HMGCLL1: variants seen among roughly 807,000 people sequenced by gnomAD.
The protein encoded by HMGCLL1 is 3-hydroxymethyl-3-methylglutaryl-CoA lyase, cytoplasmic.
HMGCLL1 carries 36 observed loss-of-function variants against 39.1 expected under a neutral mutation model. The observed-to-expected ratio is 0.92, with a 90% CI of 0.71 to 1.22. HMGCLL1 has a LOEUF of 1.22. Among genes scored for constraint, HMGCLL1 ranks in the 50% most tolerant of loss-of-function variants. The pLI is 0.00. For missense variants in HMGCLL1, 451 were observed against 416.5 expected (o/e 1.08, Z -0.72); for synonymous variants, 149 against 144.0 (o/e 1.03, Z -0.25).
upstream of HMGCLL1, among the ~76,000 whole-genome samples, chr6:55,583,892 C>A (rs181043379): frequency 5.3e-5 from 8 of 152,212 alleles, no homozygotes; most frequent in Non-Finnish European, 1.0e-4. Context: ...TGCATGATGA[C>A]ACTTGCTTTC....
rs193220742 is a variant in HMGCLL1, at chr6:55,577,546, A to G, written c.108+1402T>C. ...AGTCATTTTCATTTAACCTGCTTCC[A>G]TATCTTAGCAGGGCAAATAAGACAT... On this transcript the variant is annotated intron_variant, in intron 1 of 8. Transcript: ENST00000274901. Among the ~76,000 whole-genome samples, 1,211 of 152,270 alleles carry G rather than the reference A, an allele frequency of 8.0e-3. 15 individuals are homozygous for G. Among genetic ancestry groups the G allele is most frequent in the Non-Finnish European group, 7.4e-3 (504 of 68,016 alleles).
chr6:55,487,345 G>A (rs905491126), intron 7 of HMGCLL1, among the ~76,000 whole-genome samples: 1 of 152,022 alleles, frequency 6.6e-6, no homozygotes, highest in South Asian at 2.1e-4. Context: ...TGTGCAGAAT[G>A]TGCAGTTTTG....
the HMGCLL1 span, among the ~76,000 whole-genome samples, chr6:55,600,256 T>C: frequency 0.01 from 1,550 of 152,274 alleles, 6 homozygotes; most frequent in Non-Finnish European, 0.016. Flanking sequence ...AAAATAATTA[T>C]GCAAATTAAA....
At chr6:55,533,021 C>G (rs1768779138) in intron 3 of HMGCLL1, among the ~76,000 whole-genome samples, 1 of 151,212 alleles carries the variant, frequency 6.6e-6, no homozygotes, top group African/African-American at 2.4e-5. Context: ...TAAAGTATTG[C>G]ATTTCAACTT....
chr6:55,612,571 C>T, the HMGCLL1 span, among the ~76,000 whole-genome samples: 1 of 152,116 alleles, frequency 6.6e-6, no homozygotes, highest in African/African-American at 2.4e-5. Context: ...CTACAGTAAC[C>T]AAAACAGCAT....
At chr6:55,538,688 A>AT (rs1011785009) in intron 3 of HMGCLL1, among the ~76,000 whole-genome samples, 16 of 152,038 alleles carry the variant, frequency 1.1e-4, no homozygotes, top group Admixed American at 3.9e-4. Flanking sequence ...TGATTGATTT[A>AT]TTTTTTTTAT....
intron 7 of HMGCLL1, among the ~76,000 whole-genome samples, chr6:55,457,669 C>G (rs1033147165): frequency 1.3e-5 from 2 of 152,080 alleles, no homozygotes; most frequent in Non-Finnish European, 2.9e-5. Context: ...TTCGTTCTCT[C>G]TCTTCATCTC....
chr6:55,541,676 T>A (rs1769442466), intron 3 of HMGCLL1, 53 bp downstream of exon 3: 4 of 865,718 alleles, frequency 4.6e-6, no homozygotes, highest in East Asian at 2.5e-5. Flanking sequence ...TTACCAAATA[T>A]TTTTTGGTGA....
chr6:55,627,921 A>AT, the HMGCLL1 span, among the ~76,000 whole-genome samples: 27 of 2,118 alleles, frequency 0.013, 5 homozygotes, highest in African/African-American at 0.031. Context: ...ATATATATAT[A>AT]ATATATATAC....
At chr6:55,618,372 T>C in the HMGCLL1 span, among the ~76,000 whole-genome samples, 91 of 151,578 alleles carry the variant, frequency 6.0e-4, no homozygotes, top group East Asian at 0.016. Flanking sequence ...AATGGTGGCC[T>C]ATAGAGCAAA....
At chr6:55,643,694 G>A in the HMGCLL1 span, among the ~76,000 whole-genome samples, 1 of 151,818 alleles carries the variant, frequency 6.6e-6, no homozygotes, top group African/African-American at 2.4e-5. Flanking sequence ...CCCCAAATAA[G>A]TGAGAACATG....
At chr6:55,499,106 T>C in intron 6 of HMGCLL1, 130 bp downstream of exon 6, 1 of 595,598 alleles carries the variant, frequency 1.7e-6, no homozygotes, top group Non-Finnish European at 2.9e-6. Context: ...TGATCAAATA[T>C]GTCTTCAGGG....
chr6:55,558,066 G>A (rs1734598112), intron 1 of HMGCLL1, among the ~76,000 whole-genome samples: 1 of 152,132 alleles, frequency 6.6e-6, no homozygotes. Context: ...ATTAGGAAAG[G>A]TCCGCAAAAT....
chr6:55,452,312 C>T (rs1327451054), intron 7 of HMGCLL1, among the ~76,000 whole-genome samples: 4 of 152,088 alleles, frequency 2.6e-5, no homozygotes, highest in Admixed American at 2.6e-4. Flanking sequence ...GTCTTCTCAC[C>T]CAGACTTAGA....
intron 8 of HMGCLL1, among the ~76,000 whole-genome samples, chr6:55,437,445 CA>C (rs1473060384): frequency 6.6e-6 from 1 of 151,712 alleles, no homozygotes. Context: ...AGGAATGTGT[CA>C]GGGAAAAGTG....
intron 3 of HMGCLL1, among the ~76,000 whole-genome samples, chr6:55,527,414 A>G (rs972184154): frequency 2.0e-5 from 3 of 152,056 alleles, no homozygotes; most frequent in African/African-American, 7.2e-5. Flanking sequence ...CAAGTTTGGG[A>G]ATCAATAAGG....
the HMGCLL1 span, among the ~76,000 whole-genome samples, chr6:55,668,123 G>T: frequency 3.5e-4 from 53 of 151,854 alleles, 1 homozygote; most frequent in Admixed American, 3.5e-3. Context: ...AGATGTGAGT[G>T]ACTTGAGCAA....
intron 1 of HMGCLL1, among the ~76,000 whole-genome samples, chr6:55,544,069 C>G (rs1769809722): frequency 6.6e-6 from 1 of 152,082 alleles, no homozygotes; most frequent in Admixed American, 6.6e-5. Context: ...CTAAGTGTCG[C>G]TCCCTGAAAG....
chr6:55,582,887 A>T (rs1772009224), upstream of HMGCLL1, among the ~76,000 whole-genome samples: 1 of 152,142 alleles, frequency 6.6e-6, no homozygotes, highest in African/African-American at 2.4e-5. Context: ...ATGTATGTAC[A>T]CATACACACA....
Sources: allele counts gnomAD v4.1 joint callset (sites outside exome capture counted in the v4.1 genomes callset), GRCh38; gene constraint gnomAD v4.1.1; transcripts MANE v1.5; gene names NCBI Gene and HGNC (gene_info 2026-07-23, HGNC 2026-07-21).